ARHGEF4: variants seen among roughly 807,000 people sequenced by gnomAD.
The protein encoded by ARHGEF4 is APC-stimulated guanine nucleotide exchange factor 1.
Under a neutral mutation model 162.0 loss-of-function variants are expected in ARHGEF4, and 119 were observed. The observed-to-expected ratio is 0.73, with a 90% CI of 0.63 to 0.86. ARHGEF4 has a LOEUF of 0.86. Among genes scored for constraint, ARHGEF4 ranks in the 40% least tolerant of loss-of-function variants. The pLI is 0.00. For synonymous variants in ARHGEF4, 1,014 were observed against 979.9 expected (o/e 1.03, Z -0.65); for missense variants, 2,488 against 2,456.0 (o/e 1.01, Z -0.28).
chr2:130,915,439 A>G lies in ARHGEF4; in HGVS notation c.1493A>G (p.Gln498Arg). The change falls in exon 2 of 14, where the codon CAG becomes CGG. Residue 498 changes from glutamine (Q) to arginine (R), a missense_variant. Gln to Arg is a conservative substitution (Grantham distance 43). Coordinates refer to ENST00000409359, the MANE Select transcript of ARHGEF4 (RefSeq NM_001367493.1). ...AAGCACCTCTGGGGCATTTCTGTCC[A>G]GGCAGGAAACCAAACCAGTAATTAC... Reference protein sequence around the residue: ...TQKHLWGISVQAGNQTSNYTS... With the variant: ...TQKHLWGISVRAGNQTSNYTS... 1.3e-6 allele frequency: 2 copies of G among 1,550,632 alleles called. No homozygotes were observed. Among genetic ancestry groups the G allele is most frequent in the Non-Finnish European group, 1.7e-6 (2 of 1,147,016 alleles).
In ARHGEF4 at chr2:131,045,370, C is replaced by T; in HGVS notation, c.5403C>T (p.Gly1801=). 6.2e-7 allele frequency: 1 copy of T among 1,612,650 alleles called. No homozygotes were observed. The highest frequency in any genetic ancestry group is 1.1e-5 in the South Asian group (1 of 90,996). The change falls in exon 13 of 14, where the codon GGC becomes GGT. Residue 1801 remains glycine (G), a splice_region_variant and synonymous_variant. Coordinates refer to ENST00000409359, the MANE Select transcript of ARHGEF4 (RefSeq NM_001367493.1). ...REQVQLDQET[G]FSITELQRKQ... Reference sequence around the variant, plus strand: ...CCCTCACCTGTGCCCCTTCCTCAGGCTTCTCCATCACTGAACTGCAGAGGA... The same window carrying T: ...CCCTCACCTGTGCCCCTTCCTCAGGTTTCTCCATCACTGAACTGCAGAGGA...
intron 1 of ARHGEF4, among the ~76,000 whole-genome samples, chr2:130,872,014 G>A (rs147442852): frequency 3.9e-5 from 6 of 152,368 alleles, no homozygotes; most frequent in Non-Finnish European, 7.3e-5. Context: ...AACACCAGCT[G>A]TGCATCTGCA....
Position 130,915,744 on chromosome 2 carries a change from G to A in ARHGEF4, c.1798G>A (p.Gly600Arg). 1 of 1,543,712 alleles carries A rather than the reference G, an allele frequency of 6.5e-7. No individual in the cohort carries two copies. Residue 600 changes from glycine to arginine, a missense_variant, in exon 2 of 14, where the codon GGG becomes AGG. By Grantham distance (125) the Gly-to-Arg change is moderately radical. This residue lies in a region of ARHGEF4 where 1,642 missense variants were observed against 1,481.5 expected (regional missense o/e 1.11). Coordinates refer to ENST00000409359, the MANE Select transcript of ARHGEF4 (RefSeq NM_001367493.1). Reference protein sequence around the residue: ...KAATVSHCGPGAEEGEQGPGG... With the variant: ...KAATVSHCGPRAEEGEQGPGG... ...AGCCACGGTGTCTCACTGCGGCCCC[G>A]GGGCTGAGGAGGGTGAACAGGGGCC...
intron 4 of ARHGEF4, among the ~76,000 whole-genome samples, chr2:131,001,124 C>T (rs1199470665): frequency 3.3e-5 from 5 of 151,566 alleles, no homozygotes; most frequent in Non-Finnish European, 5.9e-5. Context: ...GCCAACATGA[C>T]GAAACCCCAT....
chr2:130,943,476 A>G, intron 3 of ARHGEF4, among the ~76,000 whole-genome samples: 1 of 152,002 alleles, frequency 6.6e-6, no homozygotes, highest in East Asian at 1.9e-4. Context: ...ATTTAGGTTT[A>G]CCATGTTATC....
At chr2:130,950,181 G>A (rs1444196341) in intron 4 of ARHGEF4, among the ~76,000 whole-genome samples, 2 of 152,226 alleles carry the variant, frequency 1.3e-5, no homozygotes, top group Non-Finnish European at 2.9e-5. Context: ...GTGGGGAGCT[G>A]TCAGTAGTCC....
chr2:130,930,414 T>C (rs1022138072), intron 2 of ARHGEF4, among the ~76,000 whole-genome samples: 1 of 152,078 alleles, frequency 6.6e-6, no homozygotes, highest in Non-Finnish European at 1.5e-5. Flanking sequence ...ATTCTGCTAG[T>C]GGGGGCATAT....
chr2:130,968,790 C>T (rs948920889), intron 4 of ARHGEF4, among the ~76,000 whole-genome samples: 5 of 152,106 alleles, frequency 3.3e-5, no homozygotes, highest in Middle Eastern at 3.4e-3. Flanking sequence ...TGGTGGCACG[C>T]GCCTGTAGTC....
At position 131,016,394 on chromosome 2, in the gene ARHGEF4, T is replaced by C. The variant is rs1428066379; in HGVS notation, c.3986-11551T>C. On this transcript the variant is annotated intron_variant, in intron 4 of 13. Transcript: ENST00000409359. The stretch of plus-strand genomic sequence containing the variant: ...GTGAATTCAGAAAGCAGTGAACCAA[T>C]GCGCAGACGTGAACTGGAAGCACCT... Among the ~76,000 whole-genome samples, 2 of 152,212 alleles carry C rather than the reference T, an allele frequency of 1.3e-5. 1 individual carries two copies. The highest frequency in any genetic ancestry group is 6.3e-3 in the Middle Eastern group (2 of 316).
At chr2:130,855,136 A>G (rs983049692) in intron 1 of ARHGEF4, among the ~76,000 whole-genome samples, 1 of 151,970 alleles carries the variant, frequency 6.6e-6, no homozygotes, top group African/African-American at 2.4e-5. Context: ...CGGCCTCCCA[A>G]AGTGCTGGGA....
At chr2:131,024,326 A>C (rs6706298) in intron 4 of ARHGEF4, among the ~76,000 whole-genome samples, 2,014 of 152,248 alleles carry the variant, frequency 0.013, 41 homozygotes, top group African/African-American at 0.045. Flanking sequence ...CCCAGGTTGG[A>C]GTGCAGTGGA....
At chr2:131,043,412 G>A in intron 10 of ARHGEF4, 40 bp from the exon 11 acceptor site, 1 of 1,611,138 alleles carries the variant, frequency 6.2e-7, no homozygotes, top group Non-Finnish European at 8.5e-7. Context: ...GCCCACGGTT[G>A]GGTATGCGAG....
At chr2:130,955,090 T>A (rs955278045) in intron 4 of ARHGEF4, among the ~76,000 whole-genome samples, 1 of 152,260 alleles carries the variant, frequency 6.6e-6, no homozygotes, top group Non-Finnish European at 1.5e-5. Context: ...GAACTTTTTA[T>A]TTCAGTTATT....
At chr2:130,952,456 A>T (rs2105165359) in intron 4 of ARHGEF4, among the ~76,000 whole-genome samples, 1 of 152,292 alleles carries the variant, frequency 6.6e-6, no homozygotes, top group East Asian at 1.9e-4. Context: ...AGCCAATATC[A>T]TACTGAATGG....
chr2:130,960,092 A>T (rs1684542102), intron 4 of ARHGEF4, among the ~76,000 whole-genome samples: 1 of 152,212 alleles, frequency 6.6e-6, no homozygotes, highest in African/African-American at 2.4e-5. Flanking sequence ...TGTGCCATAT[A>T]ATGGCATTTT....
chr2:130,856,048 T>G (rs1681760102), intron 1 of ARHGEF4, among the ~76,000 whole-genome samples: 1 of 152,196 alleles, frequency 6.6e-6, no homozygotes, highest in Non-Finnish European at 1.5e-5. Context: ...AGGGGTGTCA[T>G]TGGTGGCCTC....
chr2:130,984,396 A>G (rs973176491), intron 4 of ARHGEF4, among the ~76,000 whole-genome samples: 1 of 152,200 alleles, frequency 6.6e-6, no homozygotes, highest in Non-Finnish European at 1.5e-5. Flanking sequence ...TTGCAAAAGA[A>G]TATCAAGTTT....
At chr2:130,912,240 G>A (rs1230794836) in intron 1 of ARHGEF4, among the ~76,000 whole-genome samples, 1 of 152,222 alleles carries the variant, frequency 6.6e-6, no homozygotes, top group South Asian at 2.1e-4. Context: ...CGCTGAAGGC[G>A]TCTGGCCCTG....
At chr2:130,989,140 T>C (rs962256820) in intron 4 of ARHGEF4, among the ~76,000 whole-genome samples, 2 of 152,050 alleles carry the variant, frequency 1.3e-5, no homozygotes, top group Non-Finnish European at 2.9e-5. Context: ...TTTGTATTTT[T>C]GGTAGAGATG....
Sources: gnomAD v4.1 joint callset for allele counts (sites outside exome capture counted in the v4.1 genomes callset) on GRCh38, gnomAD v4.1.1 for gene constraint, gnomAD v4.1.1 regional missense constraint, MANE v1.5 for transcripts, NCBI Gene and HGNC (gene_info 2026-07-23, HGNC 2026-07-21) for gene names.